Variants in SCAF8 observed in about 807,000 individuals in gnomAD.
SCAF8 encodes SR-related CTD associated factor 8.
In SCAF8, 23 loss-of-function variants were observed where a neutral mutation model predicts 140.5. That is an observed-to-expected ratio of 0.16 (90% confidence interval 0.12 to 0.23). The LOEUF (loss-of-function observed/expected upper bound fraction) is 0.23. Ranked by LOEUF, SCAF8 falls within the 10% of genes least tolerant of loss-of-function variation. The pLI, the probability that SCAF8 is intolerant of heterozygous loss-of-function variation, is 1.00. For missense variants in SCAF8, 1,397 were observed against 1,555.7 expected (o/e 0.90, Z 1.72); for synonymous variants, 575 against 528.9 (o/e 1.09, Z -1.20).
intron 1 of SCAF8, among the ~76,000 whole-genome samples, chr6:154,758,267 A>G (rs189002793): frequency 6.6e-6 from 1 of 152,284 alleles, no homozygotes; most frequent in East Asian, 1.9e-4. Flanking sequence ...GACTTCATCA[A>G]AATCCTCTGA....
chr6:154,768,306 A>G (rs1317467957), intron 1 of SCAF8, among the ~76,000 whole-genome samples: 1 of 152,190 alleles, frequency 6.6e-6, no homozygotes, highest in African/African-American at 2.4e-5. Context: ...GCCACTTCCC[A>G]TGGGTCTGTG....
chr6:154,770,474 G>C (rs576936351), intron 1 of SCAF8, among the ~76,000 whole-genome samples: 1 of 151,732 alleles, frequency 6.6e-6, no homozygotes, highest in African/African-American at 2.4e-5. Flanking sequence ...GAGAGGTTGA[G>C]GTAGGAGGAC....
At chr6:154,770,289 A>C (rs1176656734) in intron 1 of SCAF8, among the ~76,000 whole-genome samples, 1 of 152,002 alleles carries the variant, frequency 6.6e-6, no homozygotes, top group Non-Finnish European at 1.5e-5. Context: ...CCCCGTCTTT[A>C]CAAAAAAAGA....
intron 6 of SCAF8, among the ~76,000 whole-genome samples, chr6:154,801,020 T>G: frequency 6.6e-6 from 1 of 151,368 alleles, no homozygotes; most frequent in East Asian, 1.9e-4. Flanking sequence ...AATTGGATGC[T>G]CCAGTGGTTT....
At chr6:154,775,652 C>G (rs62432760) in intron 2 of SCAF8, among the ~76,000 whole-genome samples, 7,404 of 152,172 alleles carry the variant, frequency 0.049, 241 homozygotes, top group Non-Finnish European at 0.075. Context: ...CATCGTTAGT[C>G]CTAGCTGCTG....
At chr6:154,744,533 C>A (rs1167575191) in intron 1 of SCAF8, among the ~76,000 whole-genome samples, 2 of 152,114 alleles carry the variant, frequency 1.3e-5, no homozygotes, top group African/African-American at 4.8e-5. Context: ...TAGGTGTCAT[C>A]CCATTTTACA....
chr6:154,833,155 T>A lies in SCAF8; in HGVS notation c.3576T>A (p.His1192Gln). 1.2e-6 allele frequency: 2 copies of A among 1,614,130 alleles called. No homozygotes were observed. Among genetic ancestry groups the A allele is most frequent in the Non-Finnish European group, 1.7e-6 (2 of 1,179,994 alleles). Residue 1192 changes from histidine to glutamine, a missense_variant, in exon 20 of 20, where the codon CAT (histidine) becomes CAA (glutamine). Transcript: ENST00000367178. ...AAAACACTTGGGTTCCCCCTCCTCA[T>A]GCTCGGGTTTTTGATTATTTTGAAG... ...RIQNTWVPPP[H>Q]ARVFDYFEGA...
intron 6 of SCAF8, among the ~76,000 whole-genome samples, chr6:154,796,980 C>CAAA (rs761510703): frequency 3.0e-5 from 4 of 133,696 alleles, no homozygotes; most frequent in Non-Finnish European, 4.9e-5. Flanking sequence ...ACAAAAATCT[C>CAAA]AAAAAAAAAA....
intron 13 of SCAF8, among the ~76,000 whole-genome samples, chr6:154,816,058 T>TTGATTCCTGACATCATCA (rs1778239333): frequency 6.6e-6 from 1 of 152,212 alleles, no homozygotes; most frequent in African/African-American, 2.4e-5. Flanking sequence ...TGTACCATGC[T>TTGATTCCTGACATCATCA]TGATTCCTGA....
chr6:154,814,272 C>G (rs533440347), intron 12 of SCAF8, among the ~76,000 whole-genome samples: 1 of 152,194 alleles, frequency 6.6e-6, no homozygotes, highest in South Asian at 2.1e-4. Context: ...GAGCTGAGAT[C>G]GCATCACTGC....
intron 4 of SCAF8, among the ~76,000 whole-genome samples, chr6:154,789,649 C>T (rs1340704046): frequency 6.7e-6 from 1 of 149,618 alleles, no homozygotes; most frequent in Middle Eastern, 3.4e-3. Flanking sequence ...AGGTTCACGC[C>T]ATTCTCCTGC....
chr6:154,742,232 A>C (rs1040615622), intron 1 of SCAF8, among the ~76,000 whole-genome samples: 4 of 152,188 alleles, frequency 2.6e-5, no homozygotes, highest in Non-Finnish European at 5.9e-5. Flanking sequence ...TTTTATGCTC[A>C]ATAGTGAGCA....
At chr6:154,796,353 T>TTCCGTCTCTCTCTCTCTCTCTCTCTC (rs772760237) in intron 6 of SCAF8, among the ~76,000 whole-genome samples, 2 of 75,198 alleles carry the variant, frequency 2.7e-5, no homozygotes, top group African/African-American at 1.6e-4. Flanking sequence ...TGCAATCCTG[T>TTCCGTCTCTCTCTCTCTCTCTCTCTC]TCTCTCTCTC....
chr6:154,738,955 C>T (rs1253101032), intron 1 of SCAF8, among the ~76,000 whole-genome samples: 3 of 151,898 alleles, frequency 2.0e-5, no homozygotes, highest in Admixed American at 2.0e-4. Flanking sequence ...CCATTCTTTC[C>T]TTTAGTTTGA....
chr6:154,809,962 A>T, intron 11 of SCAF8, 53 bp from the exon 12 acceptor site: 1 of 1,428,724 alleles, frequency 7.0e-7, no homozygotes, highest in Non-Finnish European at 9.6e-7. Context: ...GAAGTGACAG[A>T]TTTGGTAGAA....
rs1463018630 is a variant in SCAF8, at chr6:154,739,816, C to T, written c.30+5886C>T. ...TATCCAGGGTGGGTATTTTGTCTAACTATAGGACTTTTTATAATCTCACCA... is the reference window on the plus strand; with the variant it reads ...TATCCAGGGTGGGTATTTTGTCTAATTATAGGACTTTTTATAATCTCACCA... On this transcript the variant is annotated intron_variant, in intron 1 of 19. Coordinates refer to ENST00000367178, the MANE Select transcript of SCAF8 (RefSeq NM_014892.5). 3.9e-5 allele frequency among the ~76,000 whole-genome samples: 6 copies of T among 152,138 alleles called. No homozygotes were observed. In the East Asian group the frequency reaches 9.6e-4, roughly 24 times the overall value.
intron 17 of SCAF8, chr6:154,824,950 G>C (rs1309735337): frequency 7.6e-6 from 1 of 131,054 alleles, no homozygotes; most frequent in Non-Finnish European, 1.6e-5. Flanking sequence ...GTCTCAAAAA[G>C]AAAAAAAGGT....
At chr6:154,795,557 G>T (rs556997020) in intron 6 of SCAF8, among the ~76,000 whole-genome samples, 1 of 152,280 alleles carries the variant, frequency 6.6e-6, no homozygotes, top group African/African-American at 2.4e-5. Context: ...TTGGGGGAAG[G>T]GGTCAGGAGT....
At chr6:154,812,384 G>A (rs1322623146) in intron 12 of SCAF8, among the ~76,000 whole-genome samples, 1 of 146,346 alleles carries the variant, frequency 6.8e-6, no homozygotes, top group Non-Finnish European at 1.5e-5. Flanking sequence ...ACACTTAATA[G>A]GTTACAGTGT....
Sources: allele counts gnomAD v4.1 joint callset (sites outside exome capture counted in the v4.1 genomes callset), GRCh38; gene constraint gnomAD v4.1.1; transcripts MANE v1.5; gene names NCBI Gene and HGNC (gene_info 2026-07-23, HGNC 2026-07-21).